Variants in MCCC1 observed in about 807,000 individuals in gnomAD.
MCCC1 encodes the protein methylcrotonyl-CoA carboxylase subunit 1, also known as methylcrotonoyl-CoA carboxylase subunit alpha, mitochondrial.
MCCC1 carries 64 observed loss-of-function variants against 83.8 expected under a neutral mutation model. The observed-to-expected ratio is 0.76, with a 90% confidence interval of 0.62 to 0.94. MCCC1 has a LOEUF of 0.94. MCCC1 is among the 40% of genes least tolerant of loss of function. MCCC1 has a pLI of 0.00. For missense variants in MCCC1, 807 were observed against 904.7 expected (o/e 0.89, Z 1.39); for synonymous variants, 322 against 315.4 (o/e 1.02, Z -0.22).
chr3:183,029,687 C>T lies in MCCC1; in HGVS notation c.1682-3883G>A, dbSNP rs567343911. On this transcript the variant is annotated intron_variant, in intron 14 of 18. Transcript: ENST00000265594. ...TTAGACTCATAAATGCTTCTGGCAT[C>T]TTATTTTTTTTTCCTTTTTAAAAAT... Among the ~76,000 whole-genome samples the T allele has an allele frequency of 4.9e-5, 7 of 143,016 alleles. No individual in the cohort carries two copies. The South Asian group carries it at 1.6e-3, about 34-fold the overall frequency. 93.8% of individuals were successfully genotyped at this position (143,016 alleles called of 152,430 possible).
chr3:183,037,571 G>A (rs1017489671), intron 12 of MCCC1, 137 bp from the exon 13 acceptor site: 2 of 762,526 alleles, frequency 2.6e-6, no homozygotes, highest in Non-Finnish European at 4.5e-6. Context: ...AAGGTACCAT[G>A]TGGCAACAGG....
intron 9 of MCCC1, among the ~76,000 whole-genome samples, chr3:183,051,634 A>T (rs1714985882): frequency 6.6e-6 from 1 of 152,170 alleles, no homozygotes; most frequent in South Asian, 2.1e-4. Flanking sequence ...AGAATGTACA[A>T]CACCAAGAGT....
exon 1 of MCCC1, chr3:183,115,575 G>A (rs73178998): frequency 0.11 from 16,260 of 152,376 alleles, 1,009 homozygotes; most frequent in East Asian, 0.18. Context: ...AATGCTGCCA[G>A]GTGCGGTGGC....
At chr3:183,073,109 T>A (rs1716819242) in intron 4 of MCCC1, among the ~76,000 whole-genome samples, 1 of 151,352 alleles carries the variant, frequency 6.6e-6, no homozygotes, top group African/African-American at 2.4e-5. Context: ...CTACACATTG[T>A]GAATACTGCT....
chr3:183,091,378 G>T (rs901111520), intron 3 of MCCC1, among the ~76,000 whole-genome samples: 1 of 151,958 alleles, frequency 6.6e-6, no homozygotes, highest in African/African-American at 2.4e-5. Context: ...GACCATTTTG[G>T]CCAACATGGT....
At chr3:183,115,474 C>G (rs140762925) in exon 1 of MCCC1, 43 of 152,418 alleles carry the variant, frequency 2.8e-4, no homozygotes, top group African/African-American at 7.9e-4. Flanking sequence ...GAGTACTCAC[C>G]TGGGTCCAGC....
upstream of MCCC1, among the ~76,000 whole-genome samples, chr3:183,100,729 G>A (rs1003264934): frequency 6.6e-5 from 10 of 152,222 alleles, no homozygotes; most frequent in East Asian, 3.8e-4. Flanking sequence ...ATGTGACAGC[G>A]TGCTGGCAGT....
rs57389038 is a variant in MCCC1, at chr3:183,040,098, GAAAAAAAAAAAAAAAA to G, written c.1268-979_1268-964del. On this transcript the variant is annotated intron_variant, in intron 11 of 18. Transcript: ENST00000265594. ...GCAACAAGAGTGAAACTCCATCTCA[GAAAAAAAAAAAAAAAA>G]AAAAAAAAAAAAAGGAAGGAACCGG... 4.9e-4 allele frequency among the ~76,000 whole-genome samples: 17 copies of G among 34,596 alleles called. No individual in the cohort carries two copies. The South Asian group carries it at 0.033, about 68-fold the overall frequency. 22.7% of individuals were successfully genotyped at this position (34,596 alleles called of 152,430 possible). A position where few individuals can be genotyped will look rare whatever the true frequency, so the allele number is the denominator to read the frequency against.
rs759345755 is a variant in MCCC1 at position 183,071,227 on chromosome 3, G to A, written c.622C>T (p.Arg208Trp). 17 of 1,614,010 alleles carry A rather than the reference G, an allele frequency of 1.1e-5. No homozygotes were observed. Among genetic ancestry groups the A allele is most frequent in the East Asian group, 6.7e-5 (3 of 44,892 alleles). The change falls in exon 6 of 19, where the codon CGG becomes TGG. Residue 208 changes from arginine to tryptophan, a missense_variant. Arg to Trp is a moderately radical substitution (Grantham distance 101). Transcript: ENST00000265594. The stretch of plus-strand genomic sequence containing the variant: ...AATCTTACTTTTCCTCCTCCACCCC[G>A]GACGGCTTTAATCATGACAGGATAG... ...IGYPVMIKAV[R>W]GGGGKGMRIV...
chr3:183,022,602 C>T (rs1036452484), intron 15 of MCCC1, 48 bp from the exon 16 acceptor site: 59 of 1,453,982 alleles, frequency 4.1e-5, no homozygotes, highest in Non-Finnish European at 5.5e-5. Context: ...AACAACACTA[C>T]AGAATTAATA....
chr3:183,026,897 T>C (rs1712651320), intron 14 of MCCC1, among the ~76,000 whole-genome samples: 5 of 152,214 alleles, frequency 3.3e-5, no homozygotes, highest in African/African-American at 1.2e-4. Flanking sequence ...GGTAAGACTA[T>C]ATACACCTAA....
chr3:183,114,142 A>G (rs564286824), intron 1 of MCCC1, among the ~76,000 whole-genome samples: 259 of 152,292 alleles, frequency 1.7e-3, no homozygotes, highest in Non-Finnish European at 2.7e-3. Flanking sequence ...GCAGTGCCCA[A>G]GAATTCGTCT....
chr3:183,045,241 G>A (rs957498061), intron 10 of MCCC1, among the ~76,000 whole-genome samples, 172 bp downstream of exon 10: 7 of 150,022 alleles, frequency 4.7e-5, no homozygotes, highest in Admixed American at 1.3e-4. Context: ...CACCACGCCC[G>A]GCTAATTTTT....
rs80073346 is a variant in MCCC1, at chr3:183,017,706, T to C, written c.1978-369A>G. On this transcript the variant is annotated intron_variant, in intron 17 of 18. Coordinates refer to ENST00000265594, the MANE Select transcript of MCCC1 (RefSeq NM_020166.5). The stretch of plus-strand genomic sequence containing the variant: ...CAAATGCACTGGTCAAATCAGAGGC[T>C]TACAGCCCAAATGTACAGGTCAAAT... 244 of 224,456 alleles carry C rather than the reference T, an allele frequency of 1.1e-3. 1 individual carries two copies. The highest frequency in any genetic ancestry group is 2.3e-3 in the African/African-American group (74 of 31,732). The allele number at this position is 224,456 out of a possible 1,614,324, so 13.9% of individuals were successfully genotyped here.
rs931841236 is a variant in MCCC1, at chr3:183,099,401, C to A, written c.40G>T (p.Ala14Ser). 3.7e-6 allele frequency: 6 copies of A among 1,606,238 alleles called. No individual in the cohort carries two copies. Among genetic ancestry groups the A allele is most frequent in the Non-Finnish European group, 4.2e-6 (5 of 1,177,886 alleles). ...ASAVSVLLVA[A>S]ERNRWHRLPS... is the part of the protein sequence containing the mutation. ...AGACGATGCCACCGGTTCCTCTCCGCCGCCACCAGCAGCACCGACACCGCA... is the reference window on the plus strand; with the variant it reads ...AGACGATGCCACCGGTTCCTCTCCGACGCCACCAGCAGCACCGACACCGCA... The change falls in exon 1 of 19, where the codon GCG (alanine) becomes TCG (serine). Residue 14 changes from alanine to serine, a missense_variant. By Grantham distance (99) the Ala-to-Ser change is moderately conservative (BLOSUM62 1). Transcript: ENST00000265594.
At chr3:183,066,257 A>G (rs1471333055) in intron 7 of MCCC1, among the ~76,000 whole-genome samples, 1 of 152,132 alleles carries the variant, frequency 6.6e-6, no homozygotes, top group African/African-American at 2.4e-5. Flanking sequence ...ACTTTTTGCC[A>G]TCCACAGACA....
At chr3:183,044,157 G>GA (rs1413276995) in intron 10 of MCCC1, among the ~76,000 whole-genome samples, 1 of 151,880 alleles carries the variant, frequency 6.6e-6, no homozygotes, top group Non-Finnish European at 1.5e-5. Flanking sequence ...GTCACACCAG[G>GA]AAAAAACAAT....
chr3:183,099,308 C>G, intron 1 of MCCC1, 44 bp downstream of exon 1: 1 of 1,553,538 alleles, frequency 6.4e-7, no homozygotes, highest in South Asian at 1.2e-5. Flanking sequence ...CCGTGCACCC[C>G]TCGCTCCCGC....
chr3:183,088,317 C>T (rs543759655), intron 3 of MCCC1, among the ~76,000 whole-genome samples: 1 of 151,880 alleles, frequency 6.6e-6, no homozygotes, highest in East Asian at 1.9e-4. Context: ...AGCGATTCTC[C>T]TGCCTCAGCC....
Sources: allele counts gnomAD v4.1 joint callset (sites outside exome capture counted in the v4.1 genomes callset), GRCh38; gene constraint gnomAD v4.1.1; transcripts MANE v1.5; gene names NCBI Gene and HGNC (gene_info 2026-07-23, HGNC 2026-07-21).